SYCP3: variants seen among roughly 807,000 people sequenced by gnomAD.
The protein encoded by SYCP3 is synaptonemal complex protein 3.
SYCP3 carries 29 observed loss-of-function variants against 38.5 expected under a neutral mutation model. That is an observed-to-expected ratio of 0.75 (90% CI 0.56 to 1.03). The LOEUF is 1.03. Ranked by LOEUF, SYCP3 falls within the 50% of genes least tolerant of loss-of-function variation. The pLI is 0.00. For missense variants in SYCP3, 242 were observed against 270.7 expected (o/e 0.89, Z 0.74); for synonymous variants, 79 against 80.3 (o/e 0.98, Z 0.08).
chr12:101,735,127 G>T, intron 4 of SYCP3, 83 bp from the exon 5 acceptor site: 6 of 881,214 alleles, frequency 6.8e-6, no homozygotes, highest in Non-Finnish European at 5.5e-6. Flanking sequence ...TATGGGTAAG[G>T]TTGGTTCAAC....
At chr12:101,737,015 A>G in intron 4 of SYCP3, 22 bp downstream of exon 4, 2 of 1,612,386 alleles carry the variant, frequency 1.2e-6, no homozygotes, top group Non-Finnish European at 1.7e-6. Flanking sequence ...TTCTTTAAAT[A>G]CAAGTATCTC....
intron 4 of SYCP3, 90 bp downstream of exon 4, chr12:101,736,947 G>T: frequency 8.1e-7 from 1 of 1,230,850 alleles, no homozygotes; most frequent in Non-Finnish European, 1.2e-6. Flanking sequence ...TTAAATAACA[G>T]TCTTATAGTC....
At chr12:101,738,008 C>A in intron 1 of SYCP3, 56 bp from the exon 2 acceptor site, 1 of 1,582,190 alleles carries the variant, frequency 6.3e-7, no homozygotes. Flanking sequence ...TTTTAATACA[C>A]TGGTAAAAGT....
rs1952045702 is a variant in SYCP3, at chr12:101,728,786, G to A, written c.*141C>T. 2 of 1,212,746 alleles carry A rather than the reference G, an allele frequency of 1.6e-6. No individual in the cohort carries two copies. The highest frequency in any genetic ancestry group is 2.3e-6 in the Non-Finnish European group (2 of 853,586). 75.1% of individuals were successfully genotyped at this position (1,212,746 alleles called of 1,614,324 possible). On this transcript the variant is annotated 3_prime_UTR_variant, in exon 9 of 9. Transcript: ENST00000392924. ...ATAACTATTTAGATTTGACTTAACA[G>A]AAAGGGAGGTCTTACAATGAAACAG... is the stretch of plus-strand genomic sequence containing the variant.
At chr12:101,738,329 G>C (rs1285935594) in intron 1 of SYCP3, among the ~76,000 whole-genome samples, 7 of 151,462 alleles carry the variant, frequency 4.6e-5, no homozygotes, top group Admixed American at 4.6e-4. Context: ...TCAGGAGGCT[G>C]AGGCAGGAGA....
intron 7 of SYCP3, among the ~76,000 whole-genome samples, chr12:101,729,842 G>A (rs1952106226): frequency 6.6e-6 from 1 of 152,060 alleles, no homozygotes; most frequent in African/African-American, 2.4e-5. Context: ...TGGAAAATGG[G>A]GATTAATTCC....
At chr12:101,736,978 A>G in intron 4 of SYCP3, 59 bp downstream of exon 4, 1 of 1,497,250 alleles carries the variant, frequency 6.7e-7, no homozygotes, top group Non-Finnish European at 9.3e-7. Context: ...ATTTGTTATT[A>G]TACAAATTAT....
Position 101,729,158 on chromosome 12 carries a change from T to G in SYCP3, c.608A>C (p.Glu203Ala). Reference protein sequence around the residue: ...HDNLLTGAQNEFKKEMAMLQK... With the variant: ...HDNLLTGAQNAFKKEMAMLQK... Reference sequence around the variant, plus strand: ...CAACATAGCCATTTCTTTTTTAAATTCATTTTGTGCACCAGTAAGTAGATT... The same window carrying G: ...CAACATAGCCATTTCTTTTTTAAATGCATTTTGTGCACCAGTAAGTAGATT... Residue 203 changes from glutamate to alanine, a missense_variant, in exon 8 of 9, where the codon GAA becomes GCA. By Grantham distance (107) the Glu-to-Ala change is moderately radical. Coordinates refer to ENST00000392924, the MANE Select transcript of SYCP3 (RefSeq NM_001177949.2). 1.9e-6 allele frequency: 3 copies of G among 1,613,100 alleles called. No homozygotes were observed. The highest frequency in any genetic ancestry group is 1.7e-6 in the Non-Finnish European group (2 of 1,179,488).
intron 1 of SYCP3, among the ~76,000 whole-genome samples, chr12:101,738,261 T>TG (rs1198293104): frequency 7.3e-6 from 1 of 137,400 alleles, no homozygotes; most frequent in Non-Finnish European, 1.6e-5. Flanking sequence ...CCGTCTCTAC[T>TG]GAAAAAAAAA....
intron 4 of SYCP3, among the ~76,000 whole-genome samples, chr12:101,736,702 ATG>A (rs1952457931): frequency 8.9e-6 from 1 of 112,706 alleles, no homozygotes; most frequent in Non-Finnish European, 1.8e-5. Flanking sequence ...ATATGTATGT[ATG>A]TATATGTGTG....
intron 1 of SYCP3, among the ~76,000 whole-genome samples, chr12:101,739,094 C>T (rs941101523): frequency 5.9e-5 from 9 of 152,172 alleles, no homozygotes; most frequent in Non-Finnish European, 1.3e-4. Flanking sequence ...ACGCGCGGAG[C>T]GAGGTAGGGC....
Position 101,737,889 on chromosome 12 carries a change from G to T in SYCP3, c.47C>A (p.Ser16Tyr), listed in dbSNP as rs1594184712. The change falls in exon 2 of 9, where the codon TCT becomes TAT. Residue 16 changes from serine to tyrosine, a missense_variant. By Grantham distance (144) the Ser-to-Tyr change is moderately radical. Coordinates refer to ENST00000392924, the MANE Select transcript of SYCP3 (RefSeq NM_001177949.2). ...GGCTCTCGTAAACTGATCTTCCACA[G>T]ACGGCTTCCCAGATTTCCTGGAATA... ...KKYSRKSGKP[S>Y]VEDQFTRAYD... is the part of the protein sequence containing the mutation. The T allele has an allele frequency of 1.2e-6, 2 of 1,614,018 alleles. No homozygotes were observed. The highest frequency in any genetic ancestry group is 2.7e-5 in the African/African-American group (2 of 74,892).
At chr12:101,736,370 C>A (rs1280760653) in intron 4 of SYCP3, among the ~76,000 whole-genome samples, 3 of 152,052 alleles carry the variant, frequency 2.0e-5, no homozygotes, top group South Asian at 2.1e-4. Flanking sequence ...TGTTTCACCA[C>A]CGGACAGAGC....
chr12:101,731,531 T>C lies in SYCP3; in HGVS notation c.552+37A>G, dbSNP rs373434912. On this transcript the variant is annotated intron_variant, in intron 7 of 8. Coordinates refer to ENST00000392924, the MANE Select transcript of SYCP3 (RefSeq NM_001177949.2). ...TTCTACTTCCATAAATATATTATGTTTTATAACGATGTATTGTGTTACCAC... is the reference window on the plus strand; with the variant it reads ...TTCTACTTCCATAAATATATTATGTCTTATAACGATGTATTGTGTTACCAC... 1.6e-4 allele frequency: 227 copies of C among 1,377,084 alleles called. No homozygotes were observed. The African/African-American group carries it at 3.1e-3, about 19-fold the overall frequency. The allele number at this position is 1,377,084 out of a possible 1,614,324, so 85.3% of individuals were successfully genotyped here. A position where few individuals can be genotyped will look rare whatever the true frequency, so the allele number is the denominator to read the frequency against.
chr12:101,736,902 T>C (rs1952469433), intron 4 of SYCP3, 135 bp downstream of exon 4: 1 of 799,212 alleles, frequency 1.3e-6, no homozygotes, highest in Non-Finnish European at 2.0e-6. Context: ...AAATCACAAA[T>C]ACTTATGCAG....
At chr12:101,732,208 G>A (rs1952217714) in intron 6 of SYCP3, 1 of 153,548 alleles carries the variant, frequency 6.5e-6, no homozygotes, top group Non-Finnish European at 1.4e-5. Context: ...TATTGTTGCT[G>A]GCATCCAGGC....
At chr12:101,735,871 A>ATATATATATTTTTTTTTTTTTTTTT in intron 4 of SYCP3, among the ~76,000 whole-genome samples, 14 of 74,756 alleles carry the variant, frequency 1.9e-4, no homozygotes, top group Non-Finnish European at 2.5e-4. Flanking sequence ...ATATATATAT[A>ATATATATATTTTTTTTTTTTTTTTT]TTTTTTTTTT....
intron 6 of SYCP3, chr12:101,732,064 A>AC: frequency 5.3e-6 from 1 of 187,932 alleles, no homozygotes; most frequent in Non-Finnish European, 1.1e-5. Flanking sequence ...TAACCACTAC[A>AC]CAGTATTAGT....
chr12:101,730,318 A>AGTTCC (rs1952129304), intron 7 of SYCP3, among the ~76,000 whole-genome samples: 1 of 152,192 alleles, frequency 6.6e-6, no homozygotes, highest in African/African-American at 2.4e-5. Context: ...GTCAAAGGTT[A>AGTTCC]TACTATAGTT....
Sources: gnomAD v4.1 joint callset for allele counts (sites outside exome capture counted in the v4.1 genomes callset) on GRCh38, gnomAD v4.1.1 for gene constraint, MANE v1.5 for transcripts, NCBI Gene and HGNC (gene_info 2026-07-23, HGNC 2026-07-21) for gene names.